The following GCN1 variants were observed in gnomAD, a reference collection of about 807,000 sequenced individuals.
The protein encoded by GCN1 is stalled ribosome sensor GCN1.
A neutral mutation model predicts 288.4 loss-of-function variants in GCN1; 90 were observed. The observed-to-expected ratio is 0.31, with a 90% CI of 0.26 to 0.37. The LOEUF is 0.37. Among genes scored for constraint, GCN1 ranks in the 10% least tolerant of loss-of-function variants. GCN1 has a pLI of 1.00. For missense variants in GCN1, 2,586 were observed against 3,419.9 expected, an observed-to-expected ratio of 0.76 and a Z score of 6.08; for synonymous variants, 1,386 against 1,420.2, an observed-to-expected ratio of 0.98 and a Z score of 0.54.
At chr12:120,150,540 A>G (rs1223016772) in intron 34 of GCN1, among the ~76,000 whole-genome samples, 1 of 151,892 alleles carries the variant, frequency 6.6e-6, no homozygotes, top group Non-Finnish European at 1.5e-5. Context: ...GATTGCAGTG[A>G]GCCGAGATTG....
rs776930528 is a variant in GCN1 at position 120,155,352 on chromosome 12, C to T, written c.3519G>A (p.Ala1173=). 1.5e-5 allele frequency: 25 copies of T among 1,614,058 alleles called. No individual in the cohort carries two copies. Among genetic ancestry groups the T allele is most frequent in the Admixed American group, 3.3e-5 (2 of 59,998 alleles). Residue 1173 remains alanine (A), a synonymous_variant, in exon 30 of 58, where the codon GCG becomes GCA. Transcript: ENST00000300648. The surrounding 1 kb of genome is among the most constrained non-coding windows in gnomAD (Gnocchi z 4.9). ...CTTCGGCCCCTGCCTGCCTTACAGC[C>T]GCCTCATGATAGATCACGTCGTCAA... is the stretch of plus-strand genomic sequence containing the variant. The part of the protein sequence containing the change: ...LLIDDVIYHE[A]AVRQAGAEAL...
intron 36 of GCN1, among the ~76,000 whole-genome samples, chr12:120,149,100 G>GGC (rs1555300302): frequency 3.3e-5 from 5 of 151,988 alleles, no homozygotes; most frequent in African/African-American, 1.2e-4. Flanking sequence ...GCTTTCCTGG[G>GGC]GGGGGAAAAC....
intron 44 of GCN1, 147 bp from the exon 45 acceptor site, chr12:120,141,170 C>T (rs1312441192): frequency 4.5e-6 from 3 of 670,770 alleles, no homozygotes; most frequent in Non-Finnish European, 7.7e-6. Context: ...CCCTAAAGAG[C>T]CCCCAAATAC....
intron 1 of GCN1, among the ~76,000 whole-genome samples, chr12:120,192,349 A>G (rs1376589623): frequency 6.6e-6 from 1 of 152,234 alleles, no homozygotes; most frequent in Non-Finnish European, 1.5e-5. Context: ...GGTGAAGCAC[A>G]GCCTCCATTT....
At position 120,144,298 on chromosome 12, in the gene GCN1, G is replaced by A. The variant is rs1594264806; in HGVS notation, c.5495+8C>T. On this transcript the variant is annotated splice_region_variant and intron_variant, in intron 42 of 57. Transcript: ENST00000300648. This position sits in a 1 kb window ranked among gnomAD's most constrained non-coding sequence, Gnocchi z 4.7. Reference sequence around the variant, plus strand: ...ATCCCCACTGGGTCTTTCTGCCCAAGTTCTCACCTGATTCTCCAAAGGTCA... The same window carrying A: ...ATCCCCACTGGGTCTTTCTGCCCAAATTCTCACCTGATTCTCCAAAGGTCA... 3.7e-6 allele frequency: 6 copies of A among 1,614,172 alleles called. No homozygotes were observed. Among genetic ancestry groups the A allele is most frequent in the Non-Finnish European group, 5.1e-6 (6 of 1,180,006 alleles).
At chr12:120,175,972 G>A (rs1011425637) in intron 10 of GCN1, 98 bp from the exon 11 acceptor site, 1 of 1,460,780 alleles carries the variant, frequency 6.8e-7, no homozygotes, top group Non-Finnish European at 9.4e-7. Context: ...AGTATTAGCT[G>A]TTTGCTCTCA....
At chr12:120,190,786 G>C (rs1179871189) in intron 1 of GCN1, among the ~76,000 whole-genome samples, 1 of 152,058 alleles carries the variant, frequency 6.6e-6, no homozygotes, top group African/African-American at 2.4e-5. Flanking sequence ...TATCCCTTCA[G>C]AACTACCCAA....
At chr12:120,189,538 C>CT (rs200518688) in intron 2 of GCN1, among the ~76,000 whole-genome samples, 28 of 148,844 alleles carry the variant, frequency 1.9e-4, no homozygotes, top group Non-Finnish European at 3.4e-4. Context: ...AATTTTTGTA[C>CT]TTTTTTTTTT....
intron 31 of GCN1, among the ~76,000 whole-genome samples, chr12:120,154,470 C>T (rs917110292): frequency 6.6e-6 from 1 of 152,222 alleles, no homozygotes; most frequent in African/African-American, 2.4e-5. Context: ...TGAGCCTGCT[C>T]TGTGGGAGGC....
chr12:120,171,049 G>A (rs1878298317), intron 14 of GCN1, among the ~76,000 whole-genome samples: 1 of 151,082 alleles, frequency 6.6e-6, no homozygotes, highest in African/African-American at 2.4e-5. Context: ...GCTGCAGCAG[G>A]AGAATCGCTT....
chr12:120,193,503 C>T (rs539624265), intron 1 of GCN1, among the ~76,000 whole-genome samples: 4 of 152,288 alleles, frequency 2.6e-5, no homozygotes, highest in African/African-American at 9.6e-5. Context: ...CGGGGTTTTG[C>T]CACGTTGGTC....
At chr12:120,147,482 C>T (rs1877399286) in intron 37 of GCN1, among the ~76,000 whole-genome samples, 1 of 152,214 alleles carries the variant, frequency 6.6e-6, no homozygotes, top group South Asian at 2.1e-4. Context: ...GATCCGCCCG[C>T]CTCAGCCTCC....
intron 26 of GCN1, 25 bp from the exon 27 acceptor site, chr12:120,157,017 G>T (rs372173704): frequency 1.7e-5 from 27 of 1,550,700 alleles, no homozygotes; most frequent in African/African-American, 2.7e-5. Flanking sequence ...CAGGTAAGTC[G>T]AGATGAGGCT....
Position 120,127,435 on chromosome 12 carries a change from C to T in GCN1, c.*414G>A, listed in dbSNP as rs541492361. On this transcript the variant is annotated 3_prime_UTR_variant, in exon 58 of 58. Coordinates refer to ENST00000300648, the MANE Select transcript of GCN1 (RefSeq NM_006836.2). ...TTGAAAAGCCAAGCCAGACACACCA[C>T]ACTGGGCAGAGATCCACCGTCTGTG... The T allele has an allele frequency of 1.8e-4, 32 of 175,882 alleles. No individual in the cohort carries two copies. Among genetic ancestry groups the T allele is most frequent in the Non-Finnish European group, 2.5e-4 (20 of 81,426 alleles). 10.9% of individuals were successfully genotyped at this position (175,882 alleles called of 1,614,324 possible).
In GCN1 at chr12:120,156,928, C is replaced by A; in HGVS notation, c.3152G>T (p.Gly1051Val). ...CCACATCACCTGTAAGCGAGGCGAG[C>A]CCGTCCCGATCACCCAAGTCAGAAG... ...LRLLTWVIGT[G>V]SPRLQVLASD... The change falls in exon 27 of 58, where the codon GGC becomes GTC. Residue 1051 changes from glycine to valine, a missense_variant. Gly to Val is a moderately radical substitution (Grantham distance 109, BLOSUM62 -3). Around this residue, in one of 8 missense-constraint regions of GCN1, gnomAD observed 153 missense variants for 252.0 expected, o/e 0.61. Transcript: ENST00000300648. This position sits in a 1 kb window ranked among gnomAD's most constrained non-coding sequence, Gnocchi z 5.8. The A allele has an allele frequency of 3.1e-6, 5 of 1,610,880 alleles. No homozygotes were observed. The South Asian group carries it at 5.5e-5, about 18-fold the overall frequency.
At position 120,187,213 on chromosome 12, in the gene GCN1, C is replaced by CT. The variant is rs869025899; in HGVS notation, c.122-2327dup. Among the ~76,000 whole-genome samples, 876 of 135,258 alleles carry CT rather than the reference C, an allele frequency of 6.5e-3. 4 individuals are homozygous for CT. Among genetic ancestry groups the CT allele is most frequent in the African/African-American group, 0.017 (614 of 37,040 alleles). 88.7% of individuals were successfully genotyped at this position (135,258 alleles called of 152,430 possible). A position where few individuals can be genotyped will look rare whatever the true frequency, so the allele number is the denominator to read the frequency against. ...ACCCAATCTATATGGCCATGATTTTCTTTTTTTTTTTTTTTTGAGACAGAG... is the reference window on the plus strand; with the variant it reads ...ACCCAATCTATATGGCCATGATTTTCTTTTTTTTTTTTTTTTTGAGACAGAG... On this transcript the variant is annotated intron_variant, in intron 2 of 57. Transcript: ENST00000300648.
chr12:120,183,506 A>C, intron 5 of GCN1, 63 bp downstream of exon 5: 2 of 1,038,508 alleles, frequency 1.9e-6, no homozygotes, highest in Non-Finnish European at 3.0e-6. Context: ...GAAGGTGCTG[A>C]AACATGCTCT....
chr12:120,166,037 C>G (rs1480791610), intron 16 of GCN1, among the ~76,000 whole-genome samples: 2 of 151,994 alleles, frequency 1.3e-5, no homozygotes, highest in Admixed American at 6.5e-5. Flanking sequence ...ATCTGCCCGC[C>G]TCGGCCTCCC....
intron 2 of GCN1, 105 bp from the exon 3 acceptor site, chr12:120,184,992 C>T: frequency 1.3e-6 from 1 of 758,532 alleles, no homozygotes; most frequent in South Asian, 1.4e-5. Flanking sequence ...GGACACTCCC[C>T]ATATATTTAA....
Sources: allele counts gnomAD v4.1 joint callset (sites outside exome capture counted in the v4.1 genomes callset), GRCh38; gene constraint gnomAD v4.1.1; regional missense constraint gnomAD v4.1.1; non-coding constraint Gnocchi (gnomAD v3.1); transcripts MANE v1.5; gene names NCBI Gene and HGNC (gene_info 2026-07-23, HGNC 2026-07-21).